DNAH11: variants seen among roughly 807,000 people sequenced by gnomAD.
DNAH11 encodes axonemal beta dynein heavy chain 11.
DNAH11 carries 442 observed loss-of-function variants against 526.0 expected under a neutral mutation model. The ratio of observed to expected loss-of-function variants is 0.84; its 90% CI spans 0.78 to 0.91. The LOEUF is 0.91. DNAH11 is among the 40% of genes least tolerant of loss of function. The pLI, the probability that DNAH11 is intolerant of heterozygous loss-of-function variation, is 0.00. For synonymous variants in DNAH11, 2,461 were observed against 1,935.9 expected (o/e 1.27, Z -7.12); for missense variants, 6,989 against 5,448.7 (o/e 1.28, Z -8.90).
chr7:21,747,555 T>G (rs1210443897), intron 51 of DNAH11, among the ~76,000 whole-genome samples: 2 of 152,234 alleles, frequency 1.3e-5, no homozygotes, highest in African/African-American at 4.8e-5. Flanking sequence ...AACCCATCTT[T>G]TGCTAAAGTT....
At chr7:21,612,400 A>C (rs542514452) in intron 20 of DNAH11, among the ~76,000 whole-genome samples, 2 of 151,914 alleles carry the variant, frequency 1.3e-5, no homozygotes, top group East Asian at 3.9e-4. Flanking sequence ...CTAAAAATAC[A>C]AAAAATTAGC....
Position 21,720,821 on chromosome 7 carries a change from A to G in DNAH11, c.7231A>G (p.Ile2411Val). The G allele has an allele frequency of 6.2e-7, 1 of 1,613,096 alleles. No homozygotes were observed. The highest frequency in any genetic ancestry group is 1.1e-5 in the South Asian group (1 of 90,852). Reference sequence around the variant, plus strand: ...TGAAGTCTATTTTGTATTTGCTTGTATCTGGGCTTTTGGAGGCACCCTGCT... The same window carrying G: ...TGAAGTCTATTTTGTATTTGCTTGTGTCTGGGCTTTTGGAGGCACCCTGCT... Reference protein sequence around the residue: ...VYEVYFVFACIWAFGGTLLQD... With the variant: ...VYEVYFVFACVWAFGGTLLQD... The change falls in exon 44 of 82, where the codon ATC becomes GTC. Residue 2411 changes from isoleucine to valine, a missense_variant. Ile to Val is a conservative substitution (Grantham distance 29). Coordinates refer to ENST00000409508, the MANE Select transcript of DNAH11 (RefSeq NM_001277115.2).
At chr7:21,793,628 A>AAAG in intron 61 of DNAH11, among the ~76,000 whole-genome samples, 1 of 152,032 alleles carries the variant, frequency 6.6e-6, no homozygotes, top group East Asian at 1.9e-4. Flanking sequence ...AAAAAAAAAA[A>AAAG]AAAGAATTTG....
chr7:21,544,930 G>A, intron 1 of DNAH11, 76 bp from the exon 2 acceptor site: 1 of 1,280,588 alleles, frequency 7.8e-7, no homozygotes, highest in East Asian at 2.6e-5. Flanking sequence ...TAGCAATACA[G>A]CTACAAGTTG....
chr7:21,891,987 C>T (rs1784341739), intron 76 of DNAH11, among the ~76,000 whole-genome samples: 1 of 152,272 alleles, frequency 6.6e-6, no homozygotes, highest in African/African-American at 2.4e-5. Flanking sequence ...GTACAGGCTA[C>T]AGAGTCCTAC....
At chr7:21,819,766 G>T (rs1056969845) in intron 65 of DNAH11, among the ~76,000 whole-genome samples, 1 of 152,180 alleles carries the variant, frequency 6.6e-6, no homozygotes, top group Non-Finnish European at 1.5e-5. Context: ...TTAACTATCA[G>T]TGAGGATTCT....
At chr7:21,851,797 T>C (rs899545245) in intron 66 of DNAH11, among the ~76,000 whole-genome samples, 5 of 152,198 alleles carry the variant, frequency 3.3e-5, no homozygotes, top group African/African-American at 4.8e-5. Flanking sequence ...CGTTCTCTGA[T>C]GTATGTAGGA....
chr7:21,898,012 C>A (rs1298474649), intron 79 of DNAH11, among the ~76,000 whole-genome samples: 2 of 151,984 alleles, frequency 1.3e-5, no homozygotes, highest in Non-Finnish European at 2.9e-5. Flanking sequence ...TTCACTTTTG[C>A]TTTCATTTCT....
intron 49 of DNAH11, among the ~76,000 whole-genome samples, chr7:21,743,110 G>A (rs1785986448): frequency 2.0e-5 from 3 of 152,232 alleles, no homozygotes; most frequent in African/African-American, 7.2e-5. Flanking sequence ...GGGCAATTAA[G>A]TTTCAAGACA....
chr7:21,570,883 TAAA>T (rs10603947), intron 7 of DNAH11, among the ~76,000 whole-genome samples: 1,741 of 147,046 alleles, frequency 0.012, 10 homozygotes, highest in African/African-American at 0.025. Context: ...TGGCTTAGTT[TAAA>T]AAAAAAAAAA....
chr7:21,599,795 G>A lies in DNAH11; in HGVS notation c.2676G>A (p.Arg892=). 1 of 1,541,102 alleles carries A rather than the reference G, an allele frequency of 6.5e-7. No homozygotes were observed. ...TACTTGTCTGTTTCTAGGAAAATAG[G>A]AAGCTCTTCAAAGCCAATCCCTCTC... The part of the protein sequence containing the change: ...CKIHNLVEEN[R]KLFKANPSLD... Residue 892 remains arginine, a synonymous_variant, in exon 15 of 82, where the codon AGG becomes AGA. Transcript: ENST00000409508.
Position 21,873,358 on chromosome 7 carries a change from G to A in DNAH11, c.12052G>A (p.Val4018Ile), listed in dbSNP as rs578153138. The A allele has an allele frequency of 4.0e-5, 64 of 1,613,762 alleles. No individual in the cohort carries two copies. The South Asian group carries it at 5.6e-4, about 14-fold the overall frequency. Reference sequence around the variant, plus strand: ...CCAAGGAAGCCACAGAGATTACAGGGTTTTCATGAGTGCTGAGTCTGCACC... The same window carrying A: ...CCAAGGAAGCCACAGAGATTACAGGATTTTCATGAGTGCTGAGTCTGCACC... ...FSQGSHRDYRVFMSAESAPTP... is the reference protein window; with the variant it reads ...FSQGSHRDYRIFMSAESAPTP... Residue 4018 changes from valine (V) to isoleucine (I), a missense_variant, in exon 74 of 82, where the codon GTT becomes ATT. Val to Ile is a conservative substitution (Grantham distance 29). Coordinates refer to ENST00000409508, the MANE Select transcript of DNAH11 (RefSeq NM_001277115.2).
intron 45 of DNAH11, among the ~76,000 whole-genome samples, chr7:21,733,255 G>T (rs983273011): frequency 2.0e-5 from 3 of 152,202 alleles, no homozygotes; most frequent in Admixed American, 6.5e-5. Flanking sequence ...GGGTATGGTG[G>T]CAGGCGCCTG....
Position 21,892,587 on chromosome 7 carries a change from ACT to A in DNAH11, c.12675_12676del (p.Phe4226GlnfsTer15). On this transcript the variant is annotated frameshift_variant, in exon 77 of 82. Coordinates refer to ENST00000409508, the MANE Select transcript of DNAH11 (RefSeq NM_001277115.2). LOFTEE classifies it high-confidence loss of function. ...EIEFLTVTSN[T>X]LFRTLLEMQP... Reference sequence around the variant, plus strand: ...AGAATTCCTGACAGTGACATCCAACACTCTCTTCAGAACTTTGCTGGAGATGC... The same window carrying A: ...AGAATTCCTGACAGTGACATCCAACACTCTTCAGAACTTTGCTGGAGATGC... The A allele has an allele frequency of 6.2e-7, 1 of 1,613,612 alleles. No homozygotes were observed. Among genetic ancestry groups the A allele is most frequent in the East Asian group, 2.2e-5 (1 of 44,862 alleles).
Position 21,574,762 on chromosome 7 carries a change from C to T in DNAH11, c.1593+2789C>T, listed in dbSNP as rs535673444. On this transcript the variant is annotated intron_variant, in intron 8 of 81. Coordinates refer to ENST00000409508, the MANE Select transcript of DNAH11 (RefSeq NM_001277115.2). ...TGTACTTTTAGTAGAGATGGGGTTT[C>T]GCCATGTTGGCCGGGTTGGTCTCAA... Among the ~76,000 whole-genome samples, 25 of 149,744 alleles carry T rather than the reference C, an allele frequency of 1.7e-4. No homozygotes were observed. In the South Asian group the frequency reaches 1.9e-3, roughly 11 times the overall value.
At chr7:21,574,848 C>T (rs1362816698) in intron 8 of DNAH11, among the ~76,000 whole-genome samples, 3 of 135,712 alleles carry the variant, frequency 2.2e-5, no homozygotes, top group Non-Finnish European at 3.1e-5. Flanking sequence ...AGATTACAGG[C>T]GTGAGCCACT....
At chr7:21,584,740 T>C (rs1056691021) in intron 9 of DNAH11, among the ~76,000 whole-genome samples, 10 of 152,180 alleles carry the variant, frequency 6.6e-5, no homozygotes, top group African/African-American at 2.2e-4. Flanking sequence ...CCACTATTTT[T>C]TCTTTGTCTA....
intron 9 of DNAH11, among the ~76,000 whole-genome samples, chr7:21,582,876 T>C (rs62441680): frequency 0.16 from 24,406 of 152,166 alleles, 1,970 homozygotes; most frequent in Middle Eastern, 0.2. Context: ...TATTGTTTGA[T>C]TTTGACCTTC....
At chr7:21,827,166 CTGTCATAAAA>C (rs1790336474) in intron 65 of DNAH11, among the ~76,000 whole-genome samples, 2 of 152,206 alleles carry the variant, frequency 1.3e-5, no homozygotes, top group Admixed American at 6.5e-5. Flanking sequence ...GTAGATACCA[CTGTCATAAAA>C]TGGCCACAGG....
Sources: gnomAD v4.1 joint callset for allele counts (sites outside exome capture counted in the v4.1 genomes callset) on GRCh38, gnomAD v4.1.1 for gene constraint, MANE v1.5 for transcripts, NCBI Gene and HGNC (gene_info 2026-07-23, HGNC 2026-07-21) for gene names.